Variants in CSMD1 observed in about 807,000 individuals in gnomAD.
CSMD1 encodes the protein CUB and sushi domain-containing protein 1.
Under a neutral mutation model 417.5 loss-of-function variants are expected in CSMD1, and 213 were observed. The observed-to-expected ratio is 0.51, with a 90% confidence interval of 0.46 to 0.57. CSMD1 has a LOEUF of 0.57. CSMD1 is among the 20% of genes least tolerant of loss of function. The probability of loss-of-function intolerance (pLI) is 0.00; values close to 1 mark genes in which losing one functional copy is unlikely to be tolerated. For missense variants in CSMD1, 6,923 were observed against 4,529.7 expected, an observed-to-expected ratio of 1.53 and a Z score of -15.17; for synonymous variants, 2,862 against 1,736.8, an observed-to-expected ratio of 1.65 and a Z score of -16.11.
At chr8:4,482,801 G>C (rs973230922) in intron 2 of CSMD1, among the ~76,000 whole-genome samples, 1 of 152,092 alleles carries the variant, frequency 6.6e-6, no homozygotes, top group East Asian at 1.9e-4. Context: ...ACTGGTGTGA[G>C]ACAGTATCTC....
At chr8:4,806,026 T>C (rs1321827004) in intron 1 of CSMD1, among the ~76,000 whole-genome samples, 3 of 152,192 alleles carry the variant, frequency 2.0e-5, no homozygotes, top group African/African-American at 7.2e-5. Flanking sequence ...AGTCCTCCCA[T>C]GAAACAGACA....
rs184985489 is a variant in CSMD1 at position 3,848,089 on chromosome 8, C to A, written c.819-94047G>T. On this transcript the variant is annotated intron_variant, in intron 5 of 69. Transcript: ENST00000635120. ...GATATTTCTCTCTCTCTCTCTCTCT[C>A]TAAATATATATACTTACTTAGTGCT... 9.3e-3 allele frequency among the ~76,000 whole-genome samples: 1,410 copies of A among 151,734 alleles called. 35 individuals are homozygous for A. Among genetic ancestry groups the A allele is most frequent in the South Asian group, 0.053 (252 of 4,796 alleles).
chr8:4,436,356 T>C (rs1798149064), intron 2 of CSMD1, among the ~76,000 whole-genome samples: 2 of 152,198 alleles, frequency 1.3e-5, no homozygotes, highest in South Asian at 2.1e-4. Context: ...TTGTGGAGAT[T>C]AATTGCCTGA....
At chr8:4,779,935 A>G (rs1465338068) in intron 1 of CSMD1, among the ~76,000 whole-genome samples, 3 of 152,024 alleles carry the variant, frequency 2.0e-5, no homozygotes, top group African/African-American at 7.2e-5. Flanking sequence ...TAAGAAAATA[A>G]ATACACCTTA....
At chr8:3,914,008 C>G (rs1808635890) in intron 5 of CSMD1, among the ~76,000 whole-genome samples, 1 of 151,972 alleles carries the variant, frequency 6.6e-6, no homozygotes, top group Non-Finnish European at 1.5e-5. Flanking sequence ...CTTTGTTATT[C>G]TTGAAACCCT....
chr8:4,856,777 T>A (rs985267629), intron 1 of CSMD1, among the ~76,000 whole-genome samples: 9 of 149,334 alleles, frequency 6.0e-5, no homozygotes, highest in African/African-American at 2.5e-5. Context: ...AAGTCCTGAG[T>A]GACCTACAAA....
chr8:4,140,352 G>C (rs577080716), intron 3 of CSMD1, among the ~76,000 whole-genome samples: 1 of 150,924 alleles, frequency 6.6e-6, no homozygotes, highest in Non-Finnish European at 1.5e-5. Context: ...TACAAAATTA[G>C]CTGGGAATGG....
chr8:2,957,567 A>C, intron 63 of CSMD1, 129 bp downstream of exon 63: 2 of 654,392 alleles, frequency 3.1e-6, no homozygotes, highest in Admixed American at 5.0e-5. Context: ...CCAAACTTTG[A>C]GGACATCCGA....
chr8:4,740,155 C>A (rs1046809347), intron 1 of CSMD1, among the ~76,000 whole-genome samples: 11 of 152,118 alleles, frequency 7.2e-5, no homozygotes, highest in Non-Finnish European at 1.5e-4. Context: ...GATGACTGTG[C>A]AATGAGAGCC....
At chr8:3,232,309 G>C (rs1311532434) in intron 26 of CSMD1, among the ~76,000 whole-genome samples, 3 of 152,080 alleles carry the variant, frequency 2.0e-5, no homozygotes. Flanking sequence ...GACTCTCTCT[G>C]TCTTAAATGC....
At position 4,202,044 on chromosome 8, in the gene CSMD1, C is replaced by G. The variant is rs1480501304; in HGVS notation, c.416-169945G>C. On this transcript the variant is annotated intron_variant, in intron 3 of 69. Coordinates refer to ENST00000635120, the MANE Select transcript of CSMD1 (RefSeq NM_033225.6). ...ACGAGGACATTGGAATCTCCCAGTC[C>G]TGCTGTGGGTTGGCTCTTAATGCTT... Among the ~76,000 whole-genome samples the G allele has an allele frequency of 3.3e-5, 5 of 152,092 alleles. No individual in the cohort carries two copies. The South Asian group carries it at 1.0e-3, about 32-fold the overall frequency.
At chr8:4,054,313 C>G (rs766315417) in intron 3 of CSMD1, among the ~76,000 whole-genome samples, 5 of 152,160 alleles carry the variant, frequency 3.3e-5, no homozygotes, top group Non-Finnish European at 5.9e-5. Context: ...TCTCTCCTCT[C>G]CTCTGGGGAG....
chr8:3,517,898 G>A (rs1585291044), intron 10 of CSMD1, among the ~76,000 whole-genome samples: 1 of 152,170 alleles, frequency 6.6e-6, no homozygotes, highest in Admixed American at 6.5e-5. Flanking sequence ...TTAAAGAAAT[G>A]TGAAGAGTTC....
At chr8:3,889,662 C>A (rs1288258320) in intron 5 of CSMD1, among the ~76,000 whole-genome samples, 8 of 151,184 alleles carry the variant, frequency 5.3e-5, no homozygotes, top group Non-Finnish European at 1.0e-4. Context: ...TTGGTCCTAT[C>A]TACTGTCTAT....
At chr8:3,091,395 G>T in intron 48 of CSMD1, 121 bp downstream of exon 48, 2 of 662,544 alleles carry the variant, frequency 3.0e-6, no homozygotes, top group Non-Finnish European at 2.3e-6. Context: ...TTCTACTGTA[G>T]TTAATTATTA....
At chr8:4,233,806 C>G (rs544752033) in intron 3 of CSMD1, among the ~76,000 whole-genome samples, 1 of 152,224 alleles carries the variant, frequency 6.6e-6, no homozygotes, top group South Asian at 2.1e-4. Flanking sequence ...TAGGATATTT[C>G]ATGAAATTTC....
intron 8 of CSMD1, among the ~76,000 whole-genome samples, chr8:3,610,338 G>C (rs932691556): frequency 6.6e-6 from 1 of 152,098 alleles, no homozygotes; most frequent in South Asian, 2.1e-4. Context: ...TTAGAAACCA[G>C]CCTAGGCAAC....
rs564320253 is a variant in CSMD1 at position 2,942,263 on chromosome 8, C to G, written c.10535+209G>C. ...TGATGGGTTGATCCATGCAGCAGAC[C>G]ACCCCGGCTTACATTTAACTAGGTA... On this transcript the variant is annotated intron_variant, in intron 69 of 69. Transcript: ENST00000635120. 2.0e-5 allele frequency among the ~76,000 whole-genome samples: 3 copies of G among 151,948 alleles called. No individual in the cohort carries two copies. The East Asian group carries it at 5.8e-4, about 29-fold the overall frequency.
At chr8:4,178,839 A>G (rs1437230911) in intron 3 of CSMD1, among the ~76,000 whole-genome samples, 2 of 152,306 alleles carry the variant, frequency 1.3e-5, no homozygotes, top group East Asian at 3.9e-4. Flanking sequence ...TCCTTCAAAG[A>G]GAATAAAATA....
Sources: allele counts gnomAD v4.1 joint callset (sites outside exome capture counted in the v4.1 genomes callset), GRCh38; gene constraint gnomAD v4.1.1; transcripts MANE v1.5; gene names NCBI Gene and HGNC (gene_info 2026-07-23, HGNC 2026-07-21).